The following GXYLT1 variants were observed in gnomAD, a reference collection of about 807,000 sequenced individuals.
GXYLT1 encodes glucoside xylosyltransferase 1.
GXYLT1 carries 29 observed loss-of-function variants against 54.0 expected under a neutral mutation model. The observed-to-expected ratio is 0.54, with a 90% CI of 0.40 to 0.73. The LOEUF is 0.73. GXYLT1 is among the 30% of genes least tolerant of loss of function. GXYLT1 has a pLI of 0.00. For missense variants in GXYLT1, 490 were observed against 553.4 expected (o/e 0.89, Z 1.15); for synonymous variants, 176 against 204.1 (o/e 0.86, Z 1.17).
chr12:42,090,360 G>A (rs540922478), intron 7 of GXYLT1, among the ~76,000 whole-genome samples: 1 of 152,244 alleles, frequency 6.6e-6, no homozygotes, highest in South Asian at 2.1e-4. Flanking sequence ...GAGGCCACAC[G>A]TGCCCTTACC....
chr12:42,140,562 G>A (rs1434474307), intron 1 of GXYLT1, among the ~76,000 whole-genome samples: 1 of 109,404 alleles, frequency 9.1e-6, no homozygotes, highest in Non-Finnish European at 2.1e-5. Context: ...ACAAGTTCAA[G>A]GTCAACACAG....
chr12:42,097,818 T>G, intron 6 of GXYLT1, 92 bp downstream of exon 6: 1 of 1,086,224 alleles, frequency 9.2e-7, no homozygotes. Context: ...ATCATTAATA[T>G]AAGACAGAAT....
intron 3 of GXYLT1, among the ~76,000 whole-genome samples, chr12:42,113,783 T>C (rs1307533698): frequency 2.6e-5 from 4 of 150,976 alleles, no homozygotes; most frequent in Non-Finnish European, 4.4e-5. Context: ...GCGGACCTAA[T>C]AGACATCTAC....
intron 5 of GXYLT1, among the ~76,000 whole-genome samples, chr12:42,098,791 T>C (rs914240429): frequency 1.5e-5 from 1 of 66,886 alleles, no homozygotes; most frequent in East Asian, 6.4e-4. Flanking sequence ...ATATAATACA[T>C]GTGTGTGTAT....
chr12:42,088,457 A>AT (rs2065310212), intron 7 of GXYLT1, among the ~76,000 whole-genome samples: 1 of 152,194 alleles, frequency 6.6e-6, no homozygotes, highest in African/African-American at 2.4e-5. Context: ...CAATAAACAC[A>AT]TTTGAAAACT....
Position 42,098,051 on chromosome 12 carries a change from C to A in GXYLT1, c.865-18G>T. The A allele has an allele frequency of 6.2e-7, 1 of 1,602,816 alleles. No homozygotes were observed. Among genetic ancestry groups the A allele is most frequent in the Non-Finnish European group, 8.5e-7 (1 of 1,175,558 alleles). ...ATATCATTCTGTTGATAAAAACATT[C>A]AAAAGAGCTTCAGACTTTCAGGCTT... On this transcript the variant is annotated intron_variant, in intron 5 of 7. Transcript: ENST00000398675.
At chr12:42,094,184 T>C (rs898873261) in intron 7 of GXYLT1, among the ~76,000 whole-genome samples, 1 of 151,632 alleles carries the variant, frequency 6.6e-6, no homozygotes, top group African/African-American at 2.4e-5. Context: ...CAAAACCTCA[T>C]CTCTATAAAA....
intron 5 of GXYLT1, 133 bp from the exon 6 acceptor site, chr12:42,098,166 G>T: frequency 1.3e-6 from 1 of 775,550 alleles, no homozygotes; most frequent in Non-Finnish European, 2.1e-6. Flanking sequence ...ACAATATCAA[G>T]TGACATTTCT....
intron 1 of GXYLT1, among the ~76,000 whole-genome samples, chr12:42,131,158 A>T (rs937503886): frequency 6.6e-6 from 1 of 152,182 alleles, no homozygotes; most frequent in South Asian, 2.1e-4. Flanking sequence ...ATTACAAAAA[A>T]ATTGTTTTTC....
chr12:42,144,654 G>A lies in GXYLT1; in HGVS notation c.-8C>T, dbSNP rs776678959. 2.9e-6 allele frequency: 4 copies of A among 1,360,636 alleles called. No homozygotes were observed. Among genetic ancestry groups the A allele is most frequent in the East Asian group, 6.0e-5 (2 of 33,090 alleles). 84.3% of individuals were successfully genotyped at this position (1,360,636 alleles called of 1,614,324 possible). A position where few individuals can be genotyped will look rare whatever the true frequency, so the allele number is the denominator to read the frequency against. The stretch of plus-strand genomic sequence containing the variant: ...GCGCAGGTAGCGCCGCATCGCCCCG[G>A]CCGCGCTCCTCCTTCGCCGCCGCCG... On this transcript the variant is annotated 5_prime_UTR_variant, in exon 1 of 8. Coordinates refer to ENST00000398675, the MANE Select transcript of GXYLT1 (RefSeq NM_173601.2).
chr12:42,142,248 ACT>A (rs1351652422), intron 1 of GXYLT1, among the ~76,000 whole-genome samples: 1 of 151,706 alleles, frequency 6.6e-6, no homozygotes, highest in Non-Finnish European at 1.5e-5. Flanking sequence ...CTCCTCCAAC[ACT>A]GATTTGCTTT....
chr12:42,106,153 C>T, intron 4 of GXYLT1, 84 bp from the exon 5 acceptor site: 1 of 870,300 alleles, frequency 1.1e-6, no homozygotes. Flanking sequence ...GTAAGATACA[C>T]CTAAGAGATT....
At position 42,097,895 on chromosome 12, in the gene GXYLT1, A is replaced by G; in HGVS notation, c.988+15T>C. ...TGATTTTTTTAATGCAAATAAAAGG[A>G]ATTTAAATAATTACCTGGATTATGA... On this transcript the variant is annotated intron_variant, in intron 6 of 7. Transcript: ENST00000398675. The G allele has an allele frequency of 6.5e-7, 1 of 1,549,466 alleles. No homozygotes were observed. Among genetic ancestry groups the G allele is most frequent in the Non-Finnish European group, 8.8e-7 (1 of 1,134,462 alleles).
At chr12:42,118,460 T>C (rs2065509901) in intron 3 of GXYLT1, among the ~76,000 whole-genome samples, 1 of 152,230 alleles carries the variant, frequency 6.6e-6, no homozygotes, top group African/African-American at 2.4e-5. Flanking sequence ...AAAATGAACC[T>C]TCCTCTTTCA....
intron 3 of GXYLT1, among the ~76,000 whole-genome samples, chr12:42,117,836 G>C (rs1442063513): frequency 6.6e-6 from 1 of 152,160 alleles, no homozygotes; most frequent in Non-Finnish European, 1.5e-5. Flanking sequence ...ATATTCCACT[G>C]TAACAGCTAG....
intron 2 of GXYLT1, among the ~76,000 whole-genome samples, chr12:42,124,600 C>T (rs1466360739): frequency 6.6e-6 from 1 of 152,048 alleles, no homozygotes. Context: ...TTATAATTCC[C>T]AATAATGCTA....
At chr12:42,123,901 T>C (rs1381177319) in intron 2 of GXYLT1, among the ~76,000 whole-genome samples, 1 of 151,736 alleles carries the variant, frequency 6.6e-6, no homozygotes, top group Non-Finnish European at 1.5e-5. Flanking sequence ...CACCTTTTTC[T>C]CTTACTATTA....
intron 1 of GXYLT1, among the ~76,000 whole-genome samples, chr12:42,135,781 A>G (rs778246974): frequency 5.9e-5 from 9 of 152,228 alleles, no homozygotes; most frequent in Non-Finnish European, 1.2e-4. Flanking sequence ...GTGGTTGCTC[A>G]TGACTGGGGG....
intron 2 of GXYLT1, among the ~76,000 whole-genome samples, chr12:42,124,565 G>A (rs1391975534): frequency 2.6e-5 from 4 of 152,048 alleles, no homozygotes; most frequent in African/African-American, 7.2e-5. Flanking sequence ...TCAACAAAAA[G>A]CTATCATTTT....
Sources: gnomAD v4.1 joint callset for allele counts (sites outside exome capture counted in the v4.1 genomes callset) on GRCh38, gnomAD v4.1.1 for gene constraint, MANE v1.5 for transcripts, NCBI Gene and HGNC (gene_info 2026-07-23, HGNC 2026-07-21) for gene names.